The following GRIP1 variants were observed in gnomAD, a reference collection of about 807,000 sequenced individuals.
GRIP1 encodes the protein glutamate receptor interacting protein 1.
GRIP1 carries 45 observed loss-of-function variants against 129.9 expected under a neutral mutation model. That is an observed-to-expected ratio of 0.35 (90% CI 0.27 to 0.44). The LOEUF (loss-of-function observed/expected upper bound fraction) is 0.44. GRIP1 is among the 20% of genes least tolerant of loss of function. The probability of loss-of-function intolerance (pLI) is 1.00; values close to 1 mark genes in which losing one functional copy is unlikely to be tolerated. For missense variants in GRIP1, 1,196 were observed against 1,396.8 expected (o/e 0.86, Z 2.29); for synonymous variants, 530 against 520.8 (o/e 1.02, Z -0.24).
At chr12:66,864,552 T>C (rs1443602847) in intron 1 of GRIP1, among the ~76,000 whole-genome samples, 1 of 60,118 alleles carries the variant, frequency 1.7e-5, no homozygotes, top group African/African-American at 5.0e-5. Flanking sequence ...CTCATTTCTA[T>C]TAAAAATAAA....
intron 1 of GRIP1, among the ~76,000 whole-genome samples, chr12:66,934,530 T>C (rs546914267): frequency 6.6e-6 from 1 of 152,210 alleles, no homozygotes; most frequent in Non-Finnish European, 1.5e-5. Flanking sequence ...TTTCACACAA[T>C]GCCCTTCACA....
chr12:66,673,816 A>G (rs972902070), intron 1 of GRIP1, among the ~76,000 whole-genome samples: 4 of 152,164 alleles, frequency 2.6e-5, no homozygotes, highest in Non-Finnish European at 4.4e-5. Context: ...GGGTCTCTCT[A>G]TTTGCAAGAG....
intron 1 of GRIP1, among the ~76,000 whole-genome samples, chr12:66,930,917 C>G (rs796830733): frequency 1.3e-5 from 2 of 152,292 alleles, no homozygotes; most frequent in African/African-American, 4.8e-5. Context: ...TGTGCTGTAT[C>G]TATCTTGGCT....
intron 2 of GRIP1, among the ~76,000 whole-genome samples, chr12:66,548,061 T>C (rs983658456): frequency 6.6e-6 from 1 of 152,216 alleles, no homozygotes; most frequent in Non-Finnish European, 1.5e-5. Flanking sequence ...TAGGCATCAG[T>C]ATTTGAAAAG....
intron 1 of GRIP1, among the ~76,000 whole-genome samples, chr12:66,864,874 G>T (rs1234903981): frequency 6.6e-6 from 1 of 152,056 alleles, no homozygotes; most frequent in African/African-American, 2.4e-5. Context: ...ATAGTCCACT[G>T]GCTGGAACTG....
intron 2 of GRIP1, among the ~76,000 whole-genome samples, chr12:66,562,038 G>A (rs901642695): frequency 3.9e-5 from 6 of 152,068 alleles, no homozygotes. Context: ...AGCCTGGGAG[G>A]TTGAGGCTGC....
rs115592024 is a variant in GRIP1 at position 66,903,789 on chromosome 12, G to C, written c.58+165261C>G. Among the ~76,000 whole-genome samples, 845 of 152,296 alleles carry C rather than the reference G, an allele frequency of 5.5e-3. 12 individuals are homozygous for C. The highest frequency in any genetic ancestry group is 0.019 in the African/African-American group (805 of 41,570). On this transcript the variant is annotated intron_variant, in intron 1 of 1. Transcript: ENST00000643019. ...ATTAACAATAGACAATAAAGATTTA[G>C]AGATCAAGGATAATTAGATATCACC...
At chr12:66,465,567 C>T in intron 7 of GRIP1, 145 bp from the exon 8 acceptor site, 1 of 700,780 alleles carries the variant, frequency 1.4e-6, no homozygotes, top group South Asian at 1.8e-5. Flanking sequence ...AATATCCCCA[C>T]AGCCAATAAT....
Position 67,060,860 on chromosome 12 carries a change from AG to A in GRIP1, c.58+8189del, listed in dbSNP as rs1290671093. Among the ~76,000 whole-genome samples, 78 of 146,722 alleles carry A rather than the reference AG, an allele frequency of 5.3e-4. 1 individual carries two copies. The highest frequency in any genetic ancestry group is 2.0e-3 in the African/African-American group (76 of 38,002). ...AAAAAAAAAAATGTGTTGGCAGTGGAGAGCTGCAAGAATTTTTTCTCCCTTC... is the reference window on the plus strand; with the variant it reads ...AAAAAAAAAAATGTGTTGGCAGTGGAAGCTGCAAGAATTTTTTCTCCCTTC... On this transcript the variant is annotated intron_variant, in intron 1 of 1. Transcript: ENST00000643019.
At position 66,747,577 on chromosome 12, in the gene GRIP1, G is replaced by A. The variant is rs555054207; in HGVS notation, c.-420+56476C>T. ...ATTTTATTTCAGGCCAACAGGGAAT[G>A]GAAAATGGGCACAATAGCACACAAA... On this transcript the variant is annotated intron_variant, in intron 1 of 4. Coordinates refer to the GRIP1 transcript ENST00000538373. Among the ~76,000 whole-genome samples the A allele has an allele frequency of 7.9e-5, 12 of 152,246 alleles. No homozygotes were observed. The South Asian group carries it at 2.3e-3, about 29-fold the overall frequency.
chr12:66,456,825 G>C (rs941601407), intron 9 of GRIP1, among the ~76,000 whole-genome samples: 2 of 152,106 alleles, frequency 1.3e-5, no homozygotes, highest in Non-Finnish European at 2.9e-5. Context: ...TCACACATCA[G>C]AATTTACTGC....
intron 1 of GRIP1, among the ~76,000 whole-genome samples, chr12:66,944,333 C>T (rs1256587551): frequency 6.6e-6 from 1 of 152,146 alleles, no homozygotes; most frequent in Non-Finnish European, 1.5e-5. Flanking sequence ...ATAGCCTGAT[C>T]CTGAGGCTGC....
At chr12:66,975,390 A>G (rs1341954549) in intron 1 of GRIP1, among the ~76,000 whole-genome samples, 1 of 152,226 alleles carries the variant, frequency 6.6e-6, no homozygotes, top group African/African-American at 2.4e-5. Flanking sequence ...TGTCAGAAAC[A>G]TATTCAATAA....
At chr12:66,966,945 A>G (rs574770704) in intron 1 of GRIP1, among the ~76,000 whole-genome samples, 1 of 152,290 alleles carries the variant, frequency 6.6e-6, no homozygotes, top group African/African-American at 2.4e-5. Flanking sequence ...CTTGAGAGTG[A>G]AGTATCTGCA....
chr12:66,924,897 G>A (rs1466620633), intron 1 of GRIP1, among the ~76,000 whole-genome samples: 1 of 152,202 alleles, frequency 6.6e-6, no homozygotes, highest in South Asian at 2.1e-4. Flanking sequence ...GTGAACCCGG[G>A]AGGTGGAGCT....
At chr12:66,642,525 T>C (rs985257557) in intron 1 of GRIP1, among the ~76,000 whole-genome samples, 3 of 152,094 alleles carry the variant, frequency 2.0e-5, no homozygotes, top group Non-Finnish European at 4.4e-5. Context: ...ATCCCCAGGA[T>C]GACGGGGAGC....
chr12:67,047,870 G>A (rs1209557333), intron 1 of GRIP1, among the ~76,000 whole-genome samples: 1 of 152,142 alleles, frequency 6.6e-6, no homozygotes, highest in Non-Finnish European at 1.5e-5. Context: ...TTTCTCCAAA[G>A]CACTACCTGT....
chr12:66,629,653 G>A (rs575863259), intron 1 of GRIP1, among the ~76,000 whole-genome samples: 16 of 152,176 alleles, frequency 1.1e-4, no homozygotes, highest in Non-Finnish European at 2.2e-4. Context: ...AACCAAATCT[G>A]AAACAATGTA....
chr12:66,920,462 A>G (rs2041194336), intron 1 of GRIP1, among the ~76,000 whole-genome samples: 1 of 152,240 alleles, frequency 6.6e-6, no homozygotes, highest in Admixed American at 6.5e-5. Context: ...TGTGAGAGAT[A>G]CGATGACAAG....
Sources: gnomAD v4.1 joint callset for allele counts (sites outside exome capture counted in the v4.1 genomes callset) on GRCh38, gnomAD v4.1.1 for gene constraint, MANE v1.5 for transcripts, NCBI Gene and HGNC (gene_info 2026-07-23, HGNC 2026-07-21) for gene names.